SEH1L: variants seen among roughly 807,000 people sequenced by gnomAD.
SEH1L encodes nucleoporin SEH1.
Under a neutral mutation model 49.5 loss-of-function variants are expected in SEH1L, and 18 were observed. The observed-to-expected ratio is 0.36, with a 90% CI of 0.25 to 0.54. SEH1L has a LOEUF of 0.54. Among genes scored for constraint, SEH1L ranks in the 20% least tolerant of loss-of-function variants. The pLI is 0.87. For synonymous variants in SEH1L, 169 were observed against 178.1 expected (o/e 0.95, Z 0.41); for missense variants, 404 against 528.8 (o/e 0.76, Z 2.31).
chr18:12,982,453 G>A (rs1002927361), intron 6 of SEH1L, 65 bp from the exon 7 acceptor site: 21 of 1,108,530 alleles, frequency 1.9e-5, no homozygotes, highest in Non-Finnish European at 2.5e-5. Flanking sequence ...ATATATATGT[G>A]TGTGTATATA....
chr18:12,986,524 A>C, intron 8 of SEH1L: 1 of 974,676 alleles, frequency 1.0e-6, no homozygotes, highest in Non-Finnish European at 1.2e-6. Context: ...ATAGCATCAG[A>C]TGTTTCTGAG....
chr18:12,949,826 C>G (rs1204997521), intron 1 of SEH1L, among the ~76,000 whole-genome samples: 1 of 152,046 alleles, frequency 6.6e-6, no homozygotes, highest in East Asian at 1.9e-4. Flanking sequence ...AGCGTCGCCC[C>G]TGCCCATCTC....
At chr18:12,986,205 C>T (rs954470234) in intron 8 of SEH1L, 2 of 985,192 alleles carry the variant, frequency 2.0e-6, no homozygotes, top group African/African-American at 3.5e-5. Context: ...GATAACAAAG[C>T]TATAAATATT....
intron 1 of SEH1L, chr18:12,948,448 C>G: frequency 2.3e-6 from 1 of 427,152 alleles, no homozygotes; most frequent in South Asian, 3.9e-5. Context: ...GCCTGCGCAG[C>G]TGGTGCCACG....
At chr18:12,969,335 C>T (rs2031593951) in intron 4 of SEH1L, among the ~76,000 whole-genome samples, 1 of 150,748 alleles carries the variant, frequency 6.6e-6, no homozygotes, top group Non-Finnish European at 1.5e-5. Flanking sequence ...AGGAGGATTG[C>T]TTGAGCCCAG....
chr18:12,948,921 C>G (rs1369279249), intron 1 of SEH1L: 2 of 149,654 alleles, frequency 1.3e-5, no homozygotes, highest in Non-Finnish European at 2.9e-5. Flanking sequence ...ACGATCTCGG[C>G]TCACTGCAAC....
At position 12,984,070 on chromosome 18, in the gene SEH1L, G is replaced by C. The variant is rs1213709938; in HGVS notation, c.950G>C (p.Gly317Ala). 31 of 1,613,536 alleles carry C rather than the reference G, an allele frequency of 1.9e-5. No individual in the cohort carries two copies. Among genetic ancestry groups the C allele is most frequent in the Non-Finnish European group, 2.6e-5 (31 of 1,179,616 alleles). The stretch of plus-strand genomic sequence containing the variant: ...TATATGGACAATTGGAAGTGTACTG[G>C]TATTTTGAAAGGTAATGGGAGCCCA... Reference protein sequence around the residue: ...ANYMDNWKCTGILKGNGSPVN... With the variant: ...ANYMDNWKCTAILKGNGSPVN... The change falls in exon 8 of 9, where the codon GGT becomes GCT. Residue 317 changes from glycine (G) to alanine (A), a missense_variant. Around this residue, in one of 3 missense-constraint regions of SEH1L, gnomAD observed 342 missense variants for 430.8 expected, o/e 0.79. Transcript: ENST00000399892.
At chr18:12,976,620 A>G (rs2031932037) in intron 5 of SEH1L, 1 of 151,978 alleles carries the variant, frequency 6.6e-6, no homozygotes, top group South Asian at 2.1e-4. Flanking sequence ...ATTGCAGGGG[A>G]TAGATTTAGG....
intron 2 of SEH1L, among the ~76,000 whole-genome samples, chr18:12,953,236 A>G (rs1290385077): frequency 3.9e-5 from 6 of 152,156 alleles, no homozygotes; most frequent in Admixed American, 3.9e-4. Flanking sequence ...TTGTATGTAT[A>G]TTGCCACGTT....
intron 5 of SEH1L, chr18:12,973,630 T>C (rs1182865453): frequency 6.6e-6 from 1 of 152,190 alleles, no homozygotes; most frequent in African/African-American, 2.4e-5. Flanking sequence ...CTAAATTACC[T>C]AAATAATCCA....
intron 4 of SEH1L, chr18:12,964,633 C>CTTTTTTTT (rs11351617): frequency 2.1e-5 from 2 of 94,728 alleles, no homozygotes; most frequent in Non-Finnish European, 3.9e-5. Flanking sequence ...ACTCCCGTCT[C>CTTTTTTTT]TTTTTTTTTT....
intron 2 of SEH1L, among the ~76,000 whole-genome samples, chr18:12,953,791 A>C (rs1209014837): frequency 6.6e-6 from 1 of 152,206 alleles, no homozygotes; most frequent in Non-Finnish European, 1.5e-5. Context: ...TATTATTCCA[A>C]AAGGAAACCC....
intron 4 of SEH1L, among the ~76,000 whole-genome samples, chr18:12,968,549 G>T (rs1412056194): frequency 1.3e-5 from 2 of 152,082 alleles, no homozygotes; most frequent in Non-Finnish European, 2.9e-5. Context: ...TTGGAGGTTG[G>T]ACCTTCTGGA....
chr18:12,967,381 C>T (rs1232922684), intron 4 of SEH1L, among the ~76,000 whole-genome samples: 1 of 152,180 alleles, frequency 6.6e-6, no homozygotes, highest in African/African-American at 2.4e-5. Flanking sequence ...AAGGCACATC[C>T]CAGCCTTCCT....
At chr18:12,951,832 A>G in intron 1 of SEH1L, 23 bp from the exon 2 acceptor site, 6 of 1,482,990 alleles carry the variant, frequency 4.0e-6, no homozygotes, top group Non-Finnish European at 4.7e-6. Flanking sequence ...TGTATAAAAT[A>G]TCTGCCTTTT....
Position 12,948,069 on chromosome 18 carries a change from C to A in SEH1L, c.-53C>A. 7.0e-7 allele frequency: 1 copy of A among 1,429,284 alleles called. No individual in the cohort carries two copies. The highest frequency in any genetic ancestry group is 9.7e-7 in the Non-Finnish European group (1 of 1,029,770). The allele number at this position is 1,429,284 out of a possible 1,614,324, so 88.5% of individuals were successfully genotyped here. ...TGGCTAGGCTACGGGCCACGCGCCG[C>A]CGCCGCTGCCGCCGCCACTGTCCTC... is the stretch of plus-strand genomic sequence containing the variant. On this transcript the variant is annotated 5_prime_UTR_variant, in exon 1 of 9. Coordinates refer to ENST00000399892, the MANE Select transcript of SEH1L (RefSeq NM_001013437.2).
Position 12,979,642 on chromosome 18 carries a change from C to T in SEH1L, c.761+750C>T, listed in dbSNP as rs1442324472. ...GGGGCTCCTCACTTCCCAGTAGGGG[C>T]GGCCGGGCAGAGGCGCCCCTCACCT... On this transcript the variant is annotated intron_variant, in intron 6 of 8. Coordinates refer to ENST00000399892, the MANE Select transcript of SEH1L (RefSeq NM_001013437.2). Among the ~76,000 whole-genome samples, 16 of 151,528 alleles carry T rather than the reference C, an allele frequency of 1.1e-4. No homozygotes were observed. In the East Asian group the frequency reaches 1.4e-3, roughly 13 times the overall value.
intron 4 of SEH1L, among the ~76,000 whole-genome samples, chr18:12,970,159 A>G (rs2031633711): frequency 6.6e-6 from 1 of 152,180 alleles, no homozygotes; most frequent in Non-Finnish European, 1.5e-5. Flanking sequence ...TACTGAGGCT[A>G]AAGGTTAAGC....
At chr18:12,984,899 A>G (rs1490238788) in intron 8 of SEH1L, 1 of 185,882 alleles carries the variant, frequency 5.4e-6, no homozygotes, top group African/African-American at 2.4e-5. Context: ...TCCTCTTGTT[A>G]TCCTATATAA....
Sources: allele counts gnomAD v4.1 joint callset (sites outside exome capture counted in the v4.1 genomes callset), GRCh38; gene constraint gnomAD v4.1.1; regional missense constraint gnomAD v4.1.1; transcripts MANE v1.5; gene names NCBI Gene and HGNC (gene_info 2026-07-23, HGNC 2026-07-21).